The following CSMD1 variants were observed in gnomAD, a reference collection of about 807,000 sequenced individuals.
CSMD1 encodes the protein CUB and sushi domain-containing protein 1.
A neutral mutation model predicts 417.5 loss-of-function variants in CSMD1; 213 were observed. That is an observed-to-expected ratio of 0.51 (90% CI 0.46 to 0.57). The LOEUF (loss-of-function observed/expected upper bound fraction) is 0.57, where lower values mean the gene tolerates loss of function less well. CSMD1 is among the 20% of genes least tolerant of loss of function. The pLI is 0.00. For synonymous variants in CSMD1, 2,862 were observed against 1,736.8 expected (o/e 1.65, Z -16.11); for missense variants, 6,923 against 4,529.7 (o/e 1.53, Z -15.17).
At chr8:4,032,646 C>T (rs554916398) in intron 3 of CSMD1, among the ~76,000 whole-genome samples, 1 of 152,246 alleles carries the variant, frequency 6.6e-6, no homozygotes, top group African/African-American at 2.4e-5. Flanking sequence ...TGCATTGATC[C>T]ATCAATGTAT....
chr8:4,028,467 C>G (rs924054727), intron 4 of CSMD1, among the ~76,000 whole-genome samples: 3 of 151,638 alleles, frequency 2.0e-5, no homozygotes, highest in African/African-American at 7.3e-5. Flanking sequence ...ACAATAAACA[C>G]CAAGCAGATC....
At chr8:2,982,154 G>C (rs1232942821) in intron 54 of CSMD1, among the ~76,000 whole-genome samples, 8 of 152,050 alleles carry the variant, frequency 5.3e-5, no homozygotes, top group African/African-American at 1.9e-4. Context: ...TCAAGAGTTC[G>C]AGACCAGCCT....
Position 4,181,607 on chromosome 8 carries a change from C to T in CSMD1, c.416-149508G>A, listed in dbSNP as rs186976033. On this transcript the variant is annotated intron_variant, in intron 3 of 69. Transcript: ENST00000635120. ...CAGGATGGAAAAGCTTGCTATAAGG[C>T]TTAAAATTCATTTATATTTACATTC... Among the ~76,000 whole-genome samples, 4 of 152,074 alleles carry T rather than the reference C, an allele frequency of 2.6e-5. No homozygotes were observed. In the South Asian group the frequency reaches 8.3e-4, roughly 32 times the overall value.
chr8:4,676,843 A>G (rs902877152), intron 1 of CSMD1, among the ~76,000 whole-genome samples: 3 of 151,262 alleles, frequency 2.0e-5, no homozygotes, highest in Non-Finnish European at 2.9e-5. Flanking sequence ...TCTGTCCTGG[A>G]ATTTTATATA....
chr8:3,949,718 G>T (rs1051411526), intron 5 of CSMD1, among the ~76,000 whole-genome samples: 1 of 152,126 alleles, frequency 6.6e-6, no homozygotes, highest in African/African-American at 2.4e-5. Flanking sequence ...CTGATTCATG[G>T]TATGAGCAAT....
chr8:3,483,879 A>C (rs75825132), intron 11 of CSMD1, among the ~76,000 whole-genome samples: 2,857 of 152,316 alleles, frequency 0.019, 53 homozygotes, highest in Middle Eastern at 0.031. Flanking sequence ...GAAGAGGCTA[A>C]AGAAAGAACA....
rs1200685026 is a variant in CSMD1, at chr8:4,125,116, C to G, written c.416-93017G>C. Among the ~76,000 whole-genome samples the G allele has an allele frequency of 3.1e-4, 6 of 19,082 alleles. No individual in the cohort carries two copies. The Admixed American group carries it at 6.0e-3, about 19-fold the overall frequency. The allele number at this position is 19,082 out of a possible 152,430, so 12.5% of individuals were successfully genotyped here. On this transcript the variant is annotated intron_variant, in intron 3 of 69. Transcript: ENST00000635120. ...GAAGCCGGTGAGACCAGGAACACTT[C>G]CATCGAGAAAAAAACCTTTGATCAG...
At chr8:3,938,443 T>C (rs1030793370) in intron 5 of CSMD1, among the ~76,000 whole-genome samples, 3 of 152,194 alleles carry the variant, frequency 2.0e-5, no homozygotes, top group South Asian at 2.1e-4. Context: ...TTAATGTCTT[T>C]GTGCAGTGGA....
At chr8:4,355,385 G>A (rs1447237120) in intron 3 of CSMD1, among the ~76,000 whole-genome samples, 3 of 151,304 alleles carry the variant, frequency 2.0e-5, no homozygotes, top group Non-Finnish European at 2.9e-5. Flanking sequence ...CAAAAATGAC[G>A]CGTTAAGAGT....
At chr8:3,592,707 TGTGA>T (rs767290502) in intron 8 of CSMD1, among the ~76,000 whole-genome samples, 1 of 152,018 alleles carries the variant, frequency 6.6e-6, no homozygotes, top group African/African-American at 2.4e-5. Flanking sequence ...TGTGTGTGTG[TGTGA>T]GTATGCACAG....
intron 5 of CSMD1, among the ~76,000 whole-genome samples, chr8:3,965,592 T>C (rs1027205631): frequency 1.3e-5 from 2 of 152,106 alleles, no homozygotes; most frequent in African/African-American, 4.8e-5. Context: ...TTAATGGTTA[T>C]GATTTTTTAA....
chr8:3,584,029 C>G (rs1314586717), intron 9 of CSMD1, among the ~76,000 whole-genome samples: 1 of 152,046 alleles, frequency 6.6e-6, no homozygotes, highest in East Asian at 1.9e-4. Context: ...ATAAAAACAC[C>G]TCCTTAGGAA....
intron 3 of CSMD1, among the ~76,000 whole-genome samples, chr8:4,067,185 C>T (rs916974666): frequency 7.9e-5 from 12 of 152,224 alleles, no homozygotes; most frequent in Non-Finnish European, 1.2e-4. Flanking sequence ...GAAAGGCTAT[C>T]CTCCGTCTTT....
chr8:4,715,451 C>T (rs957542506), intron 1 of CSMD1, among the ~76,000 whole-genome samples: 1 of 152,148 alleles, frequency 6.6e-6, no homozygotes, highest in African/African-American at 2.4e-5. Context: ...CCTTGACAAT[C>T]TCATATGGTT....
intron 1 of CSMD1, among the ~76,000 whole-genome samples, chr8:4,928,025 A>G (rs1217034425): frequency 6.6e-6 from 1 of 152,190 alleles, no homozygotes; most frequent in Non-Finnish European, 1.5e-5. Flanking sequence ...CGGCAAAAGT[A>G]GAAATCCTTC....
intron 5 of CSMD1, among the ~76,000 whole-genome samples, chr8:3,776,757 A>C (rs986470): frequency 0.68 from 102,425 of 149,576 alleles, 36,907 homozygotes; most frequent in South Asian, 0.81. Context: ...AGGCAGAAAA[A>C]AGATACAGAG....
intron 10 of CSMD1, 82 bp downstream of exon 10, chr8:3,574,863 T>G: frequency 6.8e-7 from 1 of 1,468,968 alleles, no homozygotes; most frequent in Non-Finnish European, 9.3e-7. Context: ...ACGGATAGCA[T>G]TTGCTGGGCT....
At chr8:3,416,774 C>G (rs533431143) in intron 12 of CSMD1, among the ~76,000 whole-genome samples, 48 of 152,346 alleles carry the variant, frequency 3.2e-4, no homozygotes, top group African/African-American at 1.1e-3. Flanking sequence ...TGAGCCTACA[C>G]TGCTGTGTGT....
At chr8:3,257,508 G>A (rs1800744543) in intron 26 of CSMD1, among the ~76,000 whole-genome samples, 1 of 152,184 alleles carries the variant, frequency 6.6e-6, no homozygotes. Flanking sequence ...CAGTGCGTTG[G>A]GATAAAGAAG....
Sources: gnomAD v4.1 joint callset for allele counts (sites outside exome capture counted in the v4.1 genomes callset) on GRCh38, gnomAD v4.1.1 for gene constraint, MANE v1.5 for transcripts, NCBI Gene and HGNC (gene_info 2026-07-23, HGNC 2026-07-21) for gene names.